RPS6KA5: variants seen among roughly 807,000 people sequenced by gnomAD.
The protein encoded by RPS6KA5 is ribosomal protein S6 kinase A5.
RPS6KA5 carries 27 observed loss-of-function variants against 85.5 expected under a neutral mutation model. That is an observed-to-expected ratio of 0.32 (90% CI 0.23 to 0.44). The LOEUF is 0.44. RPS6KA5 is among the 20% of genes least tolerant of loss of function. The pLI, the probability that RPS6KA5 is intolerant of heterozygous loss-of-function variation, is 1.00. For missense variants in RPS6KA5, 811 were observed against 980.9 expected, an observed-to-expected ratio of 0.83 and a Z score of 2.31; for synonymous variants, 334 against 348.2, an observed-to-expected ratio of 0.96 and a Z score of 0.46.
chr14:90,922,731 T>G (rs2036466948), intron 6 of RPS6KA5, among the ~76,000 whole-genome samples: 1 of 152,128 alleles, frequency 6.6e-6, no homozygotes, highest in South Asian at 2.1e-4. Flanking sequence ...TTACAGGCCC[T>G]TAATTTTTTA....
rs546881816 is a variant in RPS6KA5, at chr14:91,002,732, T to C, written c.104-1573A>G. ...TACAGTATTGTTAACCATATGTACG[T>C]TGTTATGCAACAGATCTTTAGAACC... On this transcript the variant is annotated intron_variant, in intron 1 of 16. Coordinates refer to ENST00000614987, the MANE Select transcript of RPS6KA5 (RefSeq NM_004755.4). Among the ~76,000 whole-genome samples the C allele has an allele frequency of 1.1e-4, 16 of 152,324 alleles. No individual in the cohort carries two copies. In the South Asian group the frequency reaches 1.7e-3, roughly 16 times the overall value.
intron 2 of RPS6KA5, among the ~76,000 whole-genome samples, chr14:90,982,096 C>G (rs2039812955): frequency 6.6e-6 from 1 of 152,176 alleles, no homozygotes. Context: ...ATTTTAAGAG[C>G]GGCCATTGAA....
chr14:91,047,450 T>A (rs180842525), intron 1 of RPS6KA5, among the ~76,000 whole-genome samples: 27 of 152,324 alleles, frequency 1.8e-4, no homozygotes, highest in Non-Finnish European at 2.4e-4. Flanking sequence ...CAGAAAGGAA[T>A]GTCTCCCTGC....
At chr14:90,962,389 G>GATC (rs1425795160) in intron 3 of RPS6KA5, among the ~76,000 whole-genome samples, 1 of 151,192 alleles carries the variant, frequency 6.6e-6, no homozygotes, top group Non-Finnish European at 1.5e-5. Flanking sequence ...CTGCAGCCTT[G>GATC]ACTTCCTGGG....
chr14:90,879,780 AATTTT>A (rs1431914068), intron 14 of RPS6KA5, among the ~76,000 whole-genome samples: 20 of 118,418 alleles, frequency 1.7e-4, no homozygotes, highest in African/African-American at 7.4e-4. Context: ...CTCCACTCCT[AATTTT>A]TTTTTTTTTT....
rs1392919336 is a variant in RPS6KA5 at position 90,890,823 on chromosome 14, C to T, written c.1645-145G>A. ...GAGGCGCGAGGGCAGGACATCAATACACTGCTGCTCTCTGCTTGATGCTTT... is the reference window on the plus strand; with the variant it reads ...GAGGCGCGAGGGCAGGACATCAATATACTGCTGCTCTCTGCTTGATGCTTT... On this transcript the variant is annotated intron_variant, in intron 13 of 16. Coordinates refer to ENST00000614987, the MANE Select transcript of RPS6KA5 (RefSeq NM_004755.4). 11 of 610,604 alleles carry T rather than the reference C, an allele frequency of 1.8e-5. 1 individual carries two copies. In the South Asian group the frequency reaches 2.0e-4, roughly 11 times the overall value. 37.8% of individuals were successfully genotyped at this position (610,604 alleles called of 1,614,324 possible).
intron 7 of RPS6KA5, among the ~76,000 whole-genome samples, chr14:90,911,830 C>T (rs1053326888): frequency 1.3e-5 from 2 of 152,166 alleles, no homozygotes; most frequent in African/African-American, 4.8e-5. Flanking sequence ...ATTATTGACT[C>T]TTTACCCCAT....
Position 90,889,219 on chromosome 14 carries a change from G to A in RPS6KA5, c.1836+1268C>T, listed in dbSNP as rs973160736. The stretch of plus-strand genomic sequence containing the variant: ...TGAGGCAGGAGAATCGCTTGAATCC[G>A]GGAGGCGGAGGTTGCAGTGAGCCAA... On this transcript the variant is annotated intron_variant, in intron 14 of 16. Coordinates refer to ENST00000614987, the MANE Select transcript of RPS6KA5 (RefSeq NM_004755.4). Among the ~76,000 whole-genome samples the A allele has an allele frequency of 5.3e-5, 8 of 150,486 alleles. No homozygotes were observed. In the South Asian group the frequency reaches 1.1e-3, roughly 20 times the overall value.
rs528740326 is a variant in RPS6KA5 at position 90,901,579 on chromosome 14, C to T, written c.1120-843G>A. Among the ~76,000 whole-genome samples the T allele has an allele frequency of 5.9e-5, 9 of 152,178 alleles. No homozygotes were observed. In the East Asian group the frequency reaches 1.7e-3, roughly 29 times the overall value. On this transcript the variant is annotated intron_variant, in intron 9 of 16. Transcript: ENST00000614987. ...GTGGTACAAAGACGGATGATTAATC[C>T]GTTCAAGCTAGAACATTCACTAATC... is the stretch of plus-strand genomic sequence containing the variant.
rs902093111 is a variant in RPS6KA5 at position 90,941,643 on chromosome 14, A to T, written c.618+1435T>A. 2.6e-5 allele frequency among the ~76,000 whole-genome samples: 4 copies of T among 152,208 alleles called. 1 individual carries two copies. The highest frequency in any genetic ancestry group is 5.9e-5 in the Non-Finnish European group (4 of 68,032). ...CTGTTTCTTACACAGACTTTCAATC[A>T]ATCCTCCTGGGTCCTGCATCACTTG... is the stretch of plus-strand genomic sequence containing the variant. On this transcript the variant is annotated intron_variant, in intron 5 of 16. Transcript: ENST00000614987.
intron 7 of RPS6KA5, among the ~76,000 whole-genome samples, chr14:90,914,320 T>TG (rs2035996101): frequency 7.0e-6 from 1 of 142,084 alleles, no homozygotes; most frequent in Non-Finnish European, 1.5e-5. Flanking sequence ...TTTTTTTTTT[T>TG]TTTTTTTTTT....
At chr14:90,951,530 T>C (rs1469669719) in intron 3 of RPS6KA5, among the ~76,000 whole-genome samples, 1 of 152,052 alleles carries the variant, frequency 6.6e-6, no homozygotes, top group East Asian at 1.9e-4. Flanking sequence ...CCTAAAAATT[T>C]TGAGCGCCCA....
chr14:90,952,770 T>C (rs1336394716), intron 3 of RPS6KA5, among the ~76,000 whole-genome samples: 1 of 152,196 alleles, frequency 6.6e-6, no homozygotes, highest in Non-Finnish European at 1.5e-5. Flanking sequence ...TGGGAAATGG[T>C]CAAAGGACAC....
At chr14:90,938,126 T>C (rs2037373949) in intron 5 of RPS6KA5, among the ~76,000 whole-genome samples, 1 of 152,192 alleles carries the variant, frequency 6.6e-6, no homozygotes, top group South Asian at 2.1e-4. Flanking sequence ...CCACTCCAAA[T>C]GGGAGAAACT....
intron 11 of RPS6KA5, 29 bp from the exon 12 acceptor site, chr14:90,899,451 T>A: frequency 6.6e-7 from 1 of 1,523,234 alleles, no homozygotes; most frequent in Non-Finnish European, 9.1e-7. Flanking sequence ...AGCATCCACA[T>A]GTCTCTTCAA....
At chr14:90,891,387 T>G (rs1447613740) in intron 13 of RPS6KA5, among the ~76,000 whole-genome samples, 1 of 151,978 alleles carries the variant, frequency 6.6e-6, no homozygotes, top group Non-Finnish European at 1.5e-5. Context: ...TTTGAATCAT[T>G]CATCCACCAA....
intron 2 of RPS6KA5, among the ~76,000 whole-genome samples, chr14:90,993,783 G>C (rs1327632762): frequency 6.6e-6 from 1 of 152,060 alleles, no homozygotes; most frequent in African/African-American, 2.4e-5. Flanking sequence ...TTTGCTCTCT[G>C]CAAATTCACG....
At chr14:91,036,662 G>A (rs894421749) in intron 1 of RPS6KA5, among the ~76,000 whole-genome samples, 18 of 152,312 alleles carry the variant, frequency 1.2e-4, no homozygotes, top group African/African-American at 3.8e-4. Flanking sequence ...TACCTTTATC[G>A]AGGTCACTGC....
At chr14:90,894,380 C>T (rs769514747) in intron 13 of RPS6KA5, 33 bp downstream of exon 13, 2 of 1,597,114 alleles carry the variant, frequency 1.3e-6, no homozygotes, top group Admixed American at 3.4e-5. Context: ...TGGTGCTAGA[C>T]TGAATTACGT....
Sources: gnomAD v4.1 joint callset for allele counts (sites outside exome capture counted in the v4.1 genomes callset) on GRCh38, gnomAD v4.1.1 for gene constraint, MANE v1.5 for transcripts, NCBI Gene and HGNC (gene_info 2026-07-23, HGNC 2026-07-21) for gene names.